Variants in NMNAT2 observed in about 807,000 individuals in gnomAD.
NMNAT2 encodes the protein nicotinamide nucleotide adenylyltransferase 2.
Under a neutral mutation model 41.6 loss-of-function variants are expected in NMNAT2, and 11 were observed. That is an observed-to-expected ratio of 0.26 (90% CI 0.17 to 0.44). The LOEUF (loss-of-function observed/expected upper bound fraction) is 0.44, where lower values mean the gene tolerates loss of function less well. Ranked by LOEUF, NMNAT2 falls within the 20% of genes least tolerant of loss-of-function variation. The pLI is 1.00. For synonymous variants in NMNAT2, 148 were observed against 151.2 expected (o/e 0.98, Z 0.16); for missense variants, 288 against 407.7 (o/e 0.71, Z 2.53).
chr1:183,331,228 G>C (rs1293872303), intron 1 of NMNAT2, among the ~76,000 whole-genome samples: 1 of 120,606 alleles, frequency 8.3e-6, no homozygotes, highest in East Asian at 4.5e-4. Flanking sequence ...TGGAAAGAGG[G>C]CAGACATCAA....
chr1:183,260,332 A>T (rs941383243), intron 10 of NMNAT2, among the ~76,000 whole-genome samples: 2 of 152,352 alleles, frequency 1.3e-5, no homozygotes, highest in East Asian at 3.9e-4. Flanking sequence ...CTTTGACTTC[A>T]GTAAGAGGGA....
intron 8 of NMNAT2, among the ~76,000 whole-genome samples, chr1:183,268,943 T>TGTGAGGATGAGGC (rs1301096184): frequency 6.6e-6 from 1 of 152,092 alleles, no homozygotes; most frequent in Non-Finnish European, 1.5e-5. Flanking sequence ...CCCAGCTACT[T>TGTGAGGATGAGGC]GTGAGGATGA....
chr1:183,313,322 G>A lies in NMNAT2; in HGVS notation c.86-19529C>T, dbSNP rs557934422. Among the ~76,000 whole-genome samples, 35 of 152,306 alleles carry A rather than the reference G, an allele frequency of 2.3e-4. 1 individual carries two copies. The South Asian group carries it at 6.2e-3, about 27-fold the overall frequency. ...TTGAGTAATTACCCCTGAAGAGAGGGAGGTACCTGACTTCTGGGTATTTGG... is the reference window on the plus strand; with the variant it reads ...TTGAGTAATTACCCCTGAAGAGAGGAAGGTACCTGACTTCTGGGTATTTGG... On this transcript the variant is annotated intron_variant, in intron 1 of 10. Transcript: ENST00000287713.
intron 1 of NMNAT2, among the ~76,000 whole-genome samples, chr1:183,380,141 G>A (rs1319220917): frequency 6.6e-6 from 1 of 152,100 alleles, no homozygotes; most frequent in African/African-American, 2.4e-5. Flanking sequence ...TTTTGTTCAG[G>A]TTTCAGAACT....
intron 1 of NMNAT2, among the ~76,000 whole-genome samples, chr1:183,399,858 A>C (rs1648761821): frequency 6.6e-6 from 1 of 152,220 alleles, no homozygotes; most frequent in Non-Finnish European, 1.5e-5. Flanking sequence ...GACAAAATTC[A>C]ACAGCCCTTC....
At chr1:183,415,300 G>C (rs1378114594) in intron 1 of NMNAT2, among the ~76,000 whole-genome samples, 1 of 152,120 alleles carries the variant, frequency 6.6e-6, no homozygotes, top group African/African-American at 2.4e-5. Context: ...TGATAATTTA[G>C]TTGTATTAAT....
At chr1:183,314,830 G>A (rs1268480123) in intron 1 of NMNAT2, among the ~76,000 whole-genome samples, 1 of 152,176 alleles carries the variant, frequency 6.6e-6, no homozygotes, top group Non-Finnish European at 1.5e-5. Context: ...AGTAAGCTAT[G>A]ATGGCACCAC....
intron 1 of NMNAT2, among the ~76,000 whole-genome samples, chr1:183,404,251 C>T (rs531468286): frequency 1.2e-4 from 19 of 152,006 alleles, no homozygotes; most frequent in East Asian, 9.7e-4. Context: ...GGTGCACACT[C>T]GGCTAATTTT....
At chr1:183,304,802 A>G in intron 1 of NMNAT2, 3 of 1,610,480 alleles carry the variant, frequency 1.9e-6, no homozygotes, top group Non-Finnish European at 2.5e-6. Context: ...AGAGTAACAC[A>G]AAGTGGTGCA....
chr1:183,360,221 G>A (rs540302423), intron 1 of NMNAT2, among the ~76,000 whole-genome samples: 64 of 152,228 alleles, frequency 4.2e-4, no homozygotes, highest in South Asian at 2.9e-3. Flanking sequence ...TCCTGGAACA[G>A]AGGAAATATG....
At chr1:183,371,109 G>A (rs892396509) in intron 1 of NMNAT2, among the ~76,000 whole-genome samples, 11 of 152,174 alleles carry the variant, frequency 7.2e-5, no homozygotes, top group African/African-American at 2.4e-4. Context: ...TGGTATATGC[G>A]GACAGACTGA....
intron 1 of NMNAT2, among the ~76,000 whole-genome samples, chr1:183,358,848 T>C (rs1663249746): frequency 6.6e-6 from 1 of 152,172 alleles, no homozygotes; most frequent in African/African-American, 2.4e-5. Context: ...GGACGGACGA[T>C]AAGGTTGGTG....
intron 10 of NMNAT2, among the ~76,000 whole-genome samples, chr1:183,258,052 A>G (rs1257445360): frequency 1.3e-5 from 2 of 152,144 alleles, no homozygotes; most frequent in African/African-American, 4.8e-5. Flanking sequence ...TGGCCTCAAG[A>G]GTATGAATTC....
intron 1 of NMNAT2, among the ~76,000 whole-genome samples, chr1:183,388,585 C>T (rs1648330172): frequency 6.6e-6 from 1 of 152,220 alleles, no homozygotes; most frequent in African/African-American, 2.4e-5. Context: ...CAATAAAAAA[C>T]TGTTAAATGT....
rs550696875 is a variant in NMNAT2 at position 183,293,971 on chromosome 1, C to G, written c.86-178G>C. Among the ~76,000 whole-genome samples the G allele has an allele frequency of 1.8e-4, 27 of 152,220 alleles. No individual in the cohort carries two copies. The South Asian group carries it at 3.3e-3, about 19-fold the overall frequency. Reference sequence around the variant, plus strand: ...TTGGTGATTCAAAAGGTTACAGAACCAGATTTCAGCCCCCAAAGCAAAAGG... The same window carrying G: ...TTGGTGATTCAAAAGGTTACAGAACGAGATTTCAGCCCCCAAAGCAAAAGG... On this transcript the variant is annotated intron_variant, in intron 1 of 10. Transcript: ENST00000287713.
chr1:183,284,924 T>G (rs1571573263), intron 5 of NMNAT2, 134 bp from the exon 6 acceptor site: 2 of 695,624 alleles, frequency 2.9e-6, no homozygotes, highest in Non-Finnish European at 5.3e-6. Context: ...GAGCAGGAGG[T>G]AGCAGGAGGG....
rs555710100 is a variant in NMNAT2, at chr1:183,379,728, A to AT, written c.85+38454dup. 5.9e-5 allele frequency among the ~76,000 whole-genome samples: 9 copies of AT among 152,302 alleles called. No individual in the cohort carries two copies. In the South Asian group the frequency reaches 1.9e-3, roughly 32 times the overall value. ...TAACAACAGAGCTTCAAAAACAAAGATCTATCCATAATTGGTAACAGTCAT... is the reference window on the plus strand; with the variant it reads ...TAACAACAGAGCTTCAAAAACAAAGATTCTATCCATAATTGGTAACAGTCAT... On this transcript the variant is annotated intron_variant, in intron 1 of 10. Coordinates refer to ENST00000287713, the MANE Select transcript of NMNAT2 (RefSeq NM_015039.4).
At chr1:183,379,817 A>G (rs1663763264) in intron 1 of NMNAT2, among the ~76,000 whole-genome samples, 1 of 152,342 alleles carries the variant, frequency 6.6e-6, no homozygotes, top group South Asian at 2.1e-4. Flanking sequence ...AACAAAAGAT[A>G]CATTCATGAT....
intron 1 of NMNAT2, among the ~76,000 whole-genome samples, chr1:183,363,078 C>A (rs1663339527): frequency 1.3e-5 from 2 of 152,046 alleles, no homozygotes; most frequent in Admixed American, 6.6e-5. Flanking sequence ...AGTTTATTTG[C>A]CATTTGTGTA....
Sources: gnomAD v4.1 joint callset for allele counts (sites outside exome capture counted in the v4.1 genomes callset) on GRCh38, gnomAD v4.1.1 for gene constraint, MANE v1.5 for transcripts, NCBI Gene and HGNC (gene_info 2026-07-23, HGNC 2026-07-21) for gene names.